Variants in CREBZF observed in about 807,000 individuals in gnomAD.
The protein encoded by CREBZF is CREB/ATF bZIP transcription factor, also known as HCF-binding transcription factor Zhangfei.
In CREBZF, 8 loss-of-function variants were observed where a neutral mutation model predicts 21.1. The ratio of observed to expected loss-of-function variants is 0.38; its 90% CI spans 0.22 to 0.68. The LOEUF is 0.68. Among genes scored for constraint, CREBZF ranks in the 30% least tolerant of loss-of-function variants. The pLI, the probability that CREBZF is intolerant of heterozygous loss-of-function variation, is 0.51. For synonymous variants in CREBZF, 270 were observed against 223.3 expected (o/e 1.21, Z -1.86); for missense variants, 518 against 484.3 (o/e 1.07, Z -0.65).
At chr11:85,669,724 A>C (rs578261844), upstream of CREBZF, among the ~76,000 whole-genome samples, 44 of 152,360 alleles carry the variant, frequency 2.9e-4, 1 homozygote, top group South Asian at 8.5e-3. Context: ...AAGTTGGAGC[A>C]GAGTGGGTAA....
upstream of CREBZF, among the ~76,000 whole-genome samples, chr11:85,669,036 A>G (rs1034292060): frequency 1.0e-4 from 13 of 129,328 alleles, no homozygotes; most frequent in African/African-American, 3.8e-4. Flanking sequence ...AAAAAAAAAA[A>G]AAAAAGAAAC....
chr11:85,666,385 A>G (rs1432888747), upstream of CREBZF, among the ~76,000 whole-genome samples: 1 of 152,274 alleles, frequency 6.6e-6, no homozygotes, highest in Non-Finnish European at 1.5e-5. Context: ...GATTTCTGAA[A>G]GGGGAAAAGG....
chr11:85,677,158 T>C (rs2082948233), intron 1 of CREBZF, among the ~76,000 whole-genome samples: 2 of 151,056 alleles, frequency 1.3e-5, no homozygotes, highest in Middle Eastern at 3.2e-3. Flanking sequence ...AGAGGAGGAG[T>C]TTCATCATGT....
Position 85,663,469 on chromosome 11 carries a change from T to C in CREBZF, c.*342A>G, listed in dbSNP as rs908200966. The C allele has an allele frequency of 7.2e-5, 56 of 782,020 alleles. No homozygotes were observed. Among genetic ancestry groups the C allele is most frequent in the Non-Finnish European group, 1.1e-4 (50 of 448,992 alleles). 48.4% of individuals were successfully genotyped at this position (782,020 alleles called of 1,614,324 possible). A position where few individuals can be genotyped will look rare whatever the true frequency, so the allele number is the denominator to read the frequency against. On this transcript the variant is annotated 3_prime_UTR_variant, in exon 1 of 1. Transcript: ENST00000527447. ...CACACACAAACTGAGATGTTGCCCA[T>C]TAAAGTAGACAAAGCAGCAGAGCAT... is the stretch of plus-strand genomic sequence containing the variant.
Position 85,663,084 on chromosome 11 carries a change from C to T in CREBZF, c.*727G>A, listed in dbSNP as rs1448593024. On this transcript the variant is annotated 3_prime_UTR_variant, in exon 1 of 1. Transcript: ENST00000527447. ...AAAATAACTATCACATTTGTGCATGCCCCAAATACTTAACTGTCAACCTCT... is the reference window on the plus strand; with the variant it reads ...AAAATAACTATCACATTTGTGCATGTCCCAAATACTTAACTGTCAACCTCT... 1 of 176,310 alleles carries T rather than the reference C, an allele frequency of 5.7e-6. No individual in the cohort carries two copies. The highest frequency in any genetic ancestry group is 1.2e-5 in the Non-Finnish European group (1 of 81,756). The allele number at this position is 176,310 out of a possible 1,614,324, so 10.9% of individuals were successfully genotyped here. A position where few individuals can be genotyped will look rare whatever the true frequency, so the allele number is the denominator to read the frequency against.
Position 85,659,038 on chromosome 11 carries a change from A to G in CREBZF, c.*4773T>C, listed in dbSNP as rs2082597826. 6.6e-6 allele frequency among the ~76,000 whole-genome samples: 1 copy of G among 152,074 alleles called. No homozygotes were observed. Among genetic ancestry groups the G allele is most frequent in the Non-Finnish European group, 1.5e-5 (1 of 67,916 alleles). On this transcript the variant is annotated 3_prime_UTR_variant, in exon 1 of 1. Coordinates refer to ENST00000527447, the MANE Select transcript of CREBZF (RefSeq NM_001039618.4). The stretch of plus-strand genomic sequence containing the variant: ...ATCTGAAAAATACTGTGCTGGCCAC[A>G]CAACACTACAAATTTCTAATGGAAG...
intron 1 of CREBZF, among the ~76,000 whole-genome samples, chr11:85,680,813 A>C (rs975927685): frequency 1.3e-5 from 2 of 152,256 alleles, no homozygotes; most frequent in African/African-American, 4.8e-5. Context: ...CTTGTGATTA[A>C]GGATTTAAAA....
rs770589645 is a variant in CREBZF at position 85,664,098 on chromosome 11, G to A, written c.778C>T (p.Leu260=). ...CGTAGGTAGCGACTCTCCTCCTGCAGTGCCTGTACGCGTTTGCCCAGCTCC... is the reference window on the plus strand; with the variant it reads ...CGTAGGTAGCGACTCTCCTCCTGCAATGCCTGTACGCGTTTGCCCAGCTCC... ...NRELGKRVQA[L]QEESRYLRAV... Residue 260 remains leucine, a synonymous_variant, in exon 1 of 1, where the codon CTG becomes TTG. Transcript: ENST00000527447. This position sits in a 1 kb window ranked among gnomAD's most constrained non-coding sequence, Gnocchi z 5.5. 4 of 1,613,522 alleles carry A rather than the reference G, an allele frequency of 2.5e-6. No homozygotes were observed. The highest frequency in any genetic ancestry group is 3.3e-5 in the Admixed American group (2 of 60,010).
At chr11:85,668,455 T>C (rs984308198), upstream of CREBZF, among the ~76,000 whole-genome samples, 2 of 152,236 alleles carry the variant, frequency 1.3e-5, no homozygotes, top group Non-Finnish European at 2.9e-5. Context: ...TTTAACTGAC[T>C]AGTGCACCAA....
In CREBZF at chr11:85,663,511, G is replaced by T; in HGVS notation, c.*300C>A. The T allele has an allele frequency of 1.1e-6, 1 of 951,436 alleles. No homozygotes were observed. Among genetic ancestry groups the T allele is most frequent in the Non-Finnish European group, 1.7e-6 (1 of 599,500 alleles). The allele number at this position is 951,436 out of a possible 1,614,324, so 58.9% of individuals were successfully genotyped here. On this transcript the variant is annotated 3_prime_UTR_variant, in exon 1 of 1. Coordinates refer to ENST00000527447, the MANE Select transcript of CREBZF (RefSeq NM_001039618.4). ...GCAGAGCATGAGCGTTACGGGAAGA[G>T]ATGGATCCTTACCAGGTTGTGAGGC...
chr11:85,682,592 ACCCCCTGCCCTACT>A (rs1321688439), intron 1 of CREBZF: 3 of 347,152 alleles, frequency 8.6e-6, no homozygotes, highest in Non-Finnish European at 1.5e-5. Flanking sequence ...ACGCGCCCCT[ACCCCCTGCCCTACT>A]CCCCCCAACG....
intron 1 of CREBZF, among the ~76,000 whole-genome samples, chr11:85,672,153 C>G (rs1398762846): frequency 6.6e-6 from 1 of 152,280 alleles, no homozygotes; most frequent in Admixed American, 6.5e-5. Context: ...GGGGCTTGCA[C>G]CCTCTGAAGC....
upstream of CREBZF, chr11:85,665,251 G>A (rs1235810728): frequency 4.1e-6 from 1 of 242,086 alleles, no homozygotes; most frequent in East Asian, 8.4e-5. Flanking sequence ...CATAATAACA[G>A]CGGCAAAAAT....
chr11:85,664,112 T>G lies in CREBZF; in HGVS notation c.764A>C (p.Lys255Thr). 2 of 1,613,634 alleles carry G rather than the reference T, an allele frequency of 1.2e-6. No individual in the cohort carries two copies. The highest frequency in any genetic ancestry group is 1.7e-6 in the Non-Finnish European group (2 of 1,180,034). The change falls in exon 1 of 1, where the codon AAA (lysine) becomes ACA (threonine). Residue 255 changes from lysine to threonine, a missense_variant. By Grantham distance (78) the Lys-to-Thr change is moderately conservative. This residue lies in a region of CREBZF where 114 missense variants were observed against 134.1 expected (regional missense o/e 0.85). Coordinates refer to ENST00000527447, the MANE Select transcript of CREBZF (RefSeq NM_001039618.4). The surrounding 1 kb of genome is among the most constrained non-coding windows in gnomAD (Gnocchi z 5.5). ...ELRAENRELG[K>T]RVQALQEESR... ...CTCCTCCTGCAGTGCCTGTACGCGTTTGCCCAGCTCCCGATTCTCGGCCCG... is the reference window on the plus strand; with the variant it reads ...CTCCTCCTGCAGTGCCTGTACGCGTGTGCCCAGCTCCCGATTCTCGGCCCG...
At chr11:85,669,401 T>TAC (rs61173351), upstream of CREBZF, among the ~76,000 whole-genome samples, 5,185 of 148,854 alleles carry the variant, frequency 0.035, 106 homozygotes, top group Middle Eastern at 0.071. Flanking sequence ...TCAGTCATTC[T>TAC]ACACACACAC....
In CREBZF at chr11:85,661,740, G is replaced by A. The variant is rs1420061616; in HGVS notation, c.*2071C>T. On this transcript the variant is annotated 3_prime_UTR_variant, in exon 1 of 1. Coordinates refer to ENST00000527447, the MANE Select transcript of CREBZF (RefSeq NM_001039618.4). ...CATGTTAGAGATGAATAAATTCTTT[G>A]AGCCCATAACTAAAAGATCAACAAA... 6.6e-6 allele frequency: 1 copy of A among 152,142 alleles called. No homozygotes were observed. Among genetic ancestry groups the A allele is most frequent in the African/African-American group, 2.4e-5 (1 of 41,298 alleles). 9.4% of individuals were successfully genotyped at this position (152,142 alleles called of 1,614,324 possible). A position where few individuals can be genotyped will look rare whatever the true frequency, so the allele number is the denominator to read the frequency against.
chr11:85,669,708 GAC>G (rs1046367831), upstream of CREBZF, among the ~76,000 whole-genome samples: 1 of 152,204 alleles, frequency 6.6e-6, no homozygotes, highest in African/African-American at 2.4e-5. Context: ...AAGAAATAAA[GAC>G]AAAAAGTTGG....
intron 1 of CREBZF, among the ~76,000 whole-genome samples, chr11:85,675,826 G>C (rs1179769402): frequency 2.0e-5 from 3 of 152,182 alleles, no homozygotes; most frequent in African/African-American, 7.2e-5. Flanking sequence ...TAATTTGTAA[G>C]GGGTAGTGAG....
At chr11:85,673,147 A>C (rs1340834723) in intron 1 of CREBZF, among the ~76,000 whole-genome samples, 1 of 152,230 alleles carries the variant, frequency 6.6e-6, no homozygotes, top group Admixed American at 6.5e-5. Flanking sequence ...GGATTGGAAT[A>C]GATGAATCCA....
Sources: gnomAD v4.1 joint callset for allele counts (sites outside exome capture counted in the v4.1 genomes callset) on GRCh38, gnomAD v4.1.1 for gene constraint, gnomAD v4.1.1 regional missense constraint, Gnocchi (gnomAD v3.1) non-coding constraint, MANE v1.5 for transcripts, NCBI Gene and HGNC (gene_info 2026-07-23, HGNC 2026-07-21) for gene names.